MACC1: variants seen among roughly 807,000 people sequenced by gnomAD.
The protein encoded by MACC1 is metastasis-associated in colon cancer protein 1.
Under a neutral mutation model 70.7 loss-of-function variants are expected in MACC1, and 79 were observed. The observed-to-expected ratio is 1.12, with a 90% CI of 0.93 to 1.35. MACC1 has a LOEUF of 1.35. MACC1 is among the 40% of genes most tolerant of loss of function. The pLI is 0.00. For synonymous variants in MACC1, 361 were observed against 347.2 expected (o/e 1.04, Z -0.44); for missense variants, 1,106 against 978.1 (o/e 1.13, Z -1.74).
rs1246654068 is a variant in MACC1, at chr7:20,211,751, T to C, written c.-218+5548A>G. Among the ~76,000 whole-genome samples, 9 of 152,288 alleles carry C rather than the reference T, an allele frequency of 5.9e-5. No individual in the cohort carries two copies. In the East Asian group the frequency reaches 1.7e-3, roughly 29 times the overall value. On this transcript the variant is annotated intron_variant, in intron 1 of 6. Transcript: ENST00000400331. Reference sequence around the variant, plus strand: ...GTACACATGCCCACGGTTCAGCAAATCAGTTTCTGCAAATATTCACTAGAG... The same window carrying C: ...GTACACATGCCCACGGTTCAGCAAACCAGTTTCTGCAAATATTCACTAGAG...
rs755007703 is a variant in MACC1, at chr7:20,159,544, AC to A, written c.816del (p.Leu272PhefsTer6). ...TTGAGGTTGCCTAACATGATTTCCA[AC>A]AACGGGCTCACAGTGCACGAAAGAT... is the stretch of plus-strand genomic sequence containing the variant. ...NHDLSCTVSP[L>X]LEIMLGNLNT... On this transcript the variant is annotated frameshift_variant, in exon 5 of 7. Transcript: ENST00000400331. LOFTEE classifies it high-confidence loss of function. 10 of 1,614,014 alleles carry A rather than the reference AC, an allele frequency of 6.2e-6. No homozygotes were observed. The South Asian group carries it at 8.8e-5, about 14-fold the overall frequency.
At chr7:20,154,525 G>C in intron 5 of MACC1, 144 bp from the exon 6 acceptor site, 11 of 838,598 alleles carry the variant, frequency 1.3e-5, no homozygotes, top group Non-Finnish European at 2.0e-5. Flanking sequence ...AGCTCAAGGA[G>C]TTGATTCACA....
chr7:20,186,649 C>G (rs1391780946), intron 1 of MACC1, among the ~76,000 whole-genome samples: 1 of 150,790 alleles, frequency 6.6e-6, no homozygotes, highest in Non-Finnish European at 1.5e-5. Context: ...TTTGAGGAAC[C>G]TGAATTAGTC....
In MACC1 at chr7:20,181,987, T is replaced by C. The variant is rs892580286; in HGVS notation, c.-217-11209A>G. 2.9e-4 allele frequency among the ~76,000 whole-genome samples: 44 copies of C among 151,942 alleles called. 1 individual carries two copies. Among genetic ancestry groups the C allele is most frequent in the Non-Finnish European group, 1.9e-4 (13 of 67,994 alleles). ...CTGGATTAAGAAAATGTGGCACATA[T>C]ACACCATGGAATACTATGCAGCCAT... On this transcript the variant is annotated intron_variant, in intron 1 of 6. Coordinates refer to ENST00000400331, the MANE Select transcript of MACC1 (RefSeq NM_182762.4).
intron 6 of MACC1, among the ~76,000 whole-genome samples, chr7:20,151,835 C>T (rs1360970619): frequency 2.0e-5 from 3 of 152,080 alleles, no homozygotes; most frequent in East Asian, 1.9e-4. Flanking sequence ...TAACCCTGGC[C>T]GCACCTTCTG....
intron 2 of MACC1, among the ~76,000 whole-genome samples, chr7:20,164,962 G>A (rs779932418): frequency 1.1e-4 from 16 of 151,308 alleles, no homozygotes; most frequent in East Asian, 1.9e-4. Flanking sequence ...GCAAATAACC[G>A]TTGATATGAA....
At chr7:20,189,540 G>A (rs1422399599) in intron 1 of MACC1, among the ~76,000 whole-genome samples, 2 of 152,190 alleles carry the variant, frequency 1.3e-5, no homozygotes, top group Non-Finnish European at 2.9e-5. Flanking sequence ...TAGGTGATTT[G>A]CAAATCTAGT....
chr7:20,190,599 C>G (rs1241263405), intron 1 of MACC1, among the ~76,000 whole-genome samples: 1 of 152,150 alleles, frequency 6.6e-6, no homozygotes, highest in African/African-American at 2.4e-5. Flanking sequence ...AGAGATAATC[C>G]TAAAGCATAA....
At chr7:20,199,887 A>T (rs1247710896) in intron 1 of MACC1, among the ~76,000 whole-genome samples, 1 of 152,222 alleles carries the variant, frequency 6.6e-6, no homozygotes, top group African/African-American at 2.4e-5. Flanking sequence ...AATCAATCAG[A>T]AAGTAGTGAG....
rs775772561 is a variant in MACC1 at position 20,158,902 on chromosome 7, C to T, written c.1459G>A (p.Val487Ile). 3.7e-6 allele frequency: 6 copies of T among 1,613,972 alleles called. No homozygotes were observed. Among genetic ancestry groups the T allele is most frequent in the Non-Finnish European group, 4.2e-6 (5 of 1,180,000 alleles). The change falls in exon 5 of 7, where the codon GTT becomes ATT. Residue 487 changes from valine (V) to isoleucine (I), a missense_variant. Coordinates refer to ENST00000400331, the MANE Select transcript of MACC1 (RefSeq NM_182762.4). ...HREMHLFDFC[V>I]QVEPPNGEPV... ...TCACCATTGGGAGGCTCCACTTGAA[C>T]ACAAAAATCAAACAAGTGCATCTCT...
At chr7:20,197,868 T>A (rs559016317) in intron 1 of MACC1, among the ~76,000 whole-genome samples, 1 of 152,226 alleles carries the variant, frequency 6.6e-6, no homozygotes, top group Admixed American at 6.5e-5. Context: ...CTACCATGTA[T>A]TGTTTTTATT....
At chr7:20,151,428 T>G (rs1781976298) in intron 6 of MACC1, among the ~76,000 whole-genome samples, 1 of 152,244 alleles carries the variant, frequency 6.6e-6, no homozygotes, top group Admixed American at 6.5e-5. Context: ...TAGTGACATC[T>G]TTGTATAGTG....
rs114119416 is a variant in MACC1, at chr7:20,181,925, G to T, written c.-217-11147C>A. 3.3e-3 allele frequency among the ~76,000 whole-genome samples: 503 copies of T among 152,126 alleles called. 4 individuals carry two copies. Among genetic ancestry groups the T allele is most frequent in the African/African-American group, 0.011 (463 of 41,488 alleles). ...TTAGAACTAATGAGAAGTCTAGGAG[G>T]TCAAATAAAAGATAAATAATAAAAA... On this transcript the variant is annotated intron_variant, in intron 1 of 6. Coordinates refer to ENST00000400331, the MANE Select transcript of MACC1 (RefSeq NM_182762.4).
intron 1 of MACC1, among the ~76,000 whole-genome samples, chr7:20,173,317 ATG>A (rs1782340313): frequency 6.6e-6 from 1 of 152,210 alleles, no homozygotes; most frequent in South Asian, 2.1e-4. Flanking sequence ...TCTCGGGACT[ATG>A]TGCTAGACAT....
intron 2 of MACC1, chr7:20,170,326 C>T (rs188262584): frequency 1.5e-4 from 23 of 152,156 alleles, no homozygotes; most frequent in African/African-American, 5.5e-4. Context: ...AACATAAATC[C>T]CCAATGAACA....
rs146689018 is a variant in MACC1, at chr7:20,174,068, G to A, written c.-217-3290C>T. On this transcript the variant is annotated intron_variant, in intron 1 of 6. Coordinates refer to ENST00000400331, the MANE Select transcript of MACC1 (RefSeq NM_182762.4). ...ATTCAGCACTTAAGTGTGACTTCCT[G>A]ATGATCTGAGGTTGCCTGAATCACA... 3.2e-4 allele frequency among the ~76,000 whole-genome samples: 48 copies of A among 152,334 alleles called. 3 individuals carry two copies. The highest frequency in any genetic ancestry group is 1.1e-3 in the African/African-American group (44 of 41,582).
chr7:20,208,072 A>G (rs1339959439), intron 1 of MACC1, among the ~76,000 whole-genome samples: 2 of 152,166 alleles, frequency 1.3e-5, no homozygotes, highest in South Asian at 2.1e-4. Context: ...GCCGCCCTGT[A>G]AAGAAGTGTC....
At chr7:20,212,833 C>T (rs1263149124) in intron 1 of MACC1, among the ~76,000 whole-genome samples, 2 of 152,054 alleles carry the variant, frequency 1.3e-5, no homozygotes, top group Non-Finnish European at 2.9e-5. Flanking sequence ...GCAAAGATGG[C>T]AGCCCGCTCC....
At chr7:20,191,835 G>A (rs763533474) in intron 1 of MACC1, among the ~76,000 whole-genome samples, 2 of 152,264 alleles carry the variant, frequency 1.3e-5, no homozygotes, top group South Asian at 4.1e-4. Context: ...GACAGAAATC[G>A]ACGCTGAAGG....
Sources: gnomAD v4.1 joint callset for allele counts (sites outside exome capture counted in the v4.1 genomes callset) on GRCh38, gnomAD v4.1.1 for gene constraint, MANE v1.5 for transcripts, NCBI Gene and HGNC (gene_info 2026-07-23, HGNC 2026-07-21) for gene names.